NCAPH: variants seen among roughly 807,000 people sequenced by gnomAD.
The protein encoded by NCAPH is non-SMC condensin I complex subunit H, also known as condensin complex subunit 2.
NCAPH carries 38 observed loss-of-function variants against 85.5 expected under a neutral mutation model. That is an observed-to-expected ratio of 0.44 (90% CI 0.34 to 0.58). The LOEUF is 0.58. NCAPH is among the 20% of genes least tolerant of loss of function. The probability of loss-of-function intolerance (pLI) is 0.01; values close to 1 mark genes in which losing one functional copy is unlikely to be tolerated. For missense variants in NCAPH, 789 were observed against 916.6 expected, an observed-to-expected ratio of 0.86 and a Z score of 1.80; for synonymous variants, 301 against 335.1, an observed-to-expected ratio of 0.90 and a Z score of 1.11.
intron 6 of NCAPH, among the ~76,000 whole-genome samples, chr2:96,344,664 G>C (rs570182550): frequency 6.6e-6 from 1 of 152,262 alleles, no homozygotes; most frequent in African/African-American, 2.4e-5. Flanking sequence ...GACACATCTA[G>C]TAAGTGAGCT....
At chr2:96,358,526 T>C (rs1347714120) in intron 9 of NCAPH, among the ~76,000 whole-genome samples, 4 of 152,186 alleles carry the variant, frequency 2.6e-5, no homozygotes, top group Non-Finnish European at 5.9e-5. Flanking sequence ...TGGAGTGCAG[T>C]GGCGCGATCT....
chr2:96,342,080 G>A lies in NCAPH; in HGVS notation c.303G>A (p.Lys101=). 1 of 1,612,546 alleles carries A rather than the reference G, an allele frequency of 6.2e-7. No individual in the cohort carries two copies. Among genetic ancestry groups the A allele is most frequent in the Non-Finnish European group, 8.5e-7 (1 of 1,178,628 alleles). The change falls in exon 3 of 18, where the codon AAG becomes AAA. Residue 101 remains lysine, a synonymous_variant. Coordinates refer to ENST00000240423, the MANE Select transcript of NCAPH (RefSeq NM_015341.5). ...RSIDISATIP[K]FTNTQITEHY... ...TTGACATTTCAGCTACTATCCCCAA[G>A]TTTACAAACACGCAGATTACGGAAC...
intron 9 of NCAPH, among the ~76,000 whole-genome samples, chr2:96,354,689 G>A (rs76548225): frequency 6.6e-6 from 1 of 152,100 alleles, no homozygotes; most frequent in Non-Finnish European, 1.5e-5. Context: ...GGCTGGGCTG[G>A]TGTGCTGTGT....
In NCAPH at chr2:96,373,254, G is replaced by C. The variant is rs527699068; in HGVS notation, c.2167-38G>C. ...GGAATTTATGATTCTTTTATTCTCC[G>C]TATACCAAAGTCCATGCATGTTTTG... On this transcript the variant is annotated intron_variant, in intron 17 of 17. Coordinates refer to ENST00000240423, the MANE Select transcript of NCAPH (RefSeq NM_015341.5). 10 of 1,547,400 alleles carry C rather than the reference G, an allele frequency of 6.5e-6. No homozygotes were observed. The Admixed American group carries it at 1.7e-4, about 26-fold the overall frequency.
chr2:96,352,694 C>T (rs1393370857), intron 7 of NCAPH, among the ~76,000 whole-genome samples: 1 of 152,200 alleles, frequency 6.6e-6, no homozygotes, highest in African/African-American at 2.4e-5. Flanking sequence ...CGTACTCTCG[C>T]TGATCTTCAT....
chr2:96,335,934 G>A, intron 1 of NCAPH, 86 bp downstream of exon 1: 2 of 1,352,844 alleles, frequency 1.5e-6, no homozygotes, highest in Non-Finnish European at 9.6e-7. Flanking sequence ...GCTGGCCTGG[G>A]CGGGGAGAGA....
At position 96,335,771 on chromosome 2, in the gene NCAPH, G is replaced by A; in HGVS notation, c.-59G>A. ...GCCGGCGACGTCACGCGGCCGTTAC[G>A]GCGCTCAGGCGTCTCGACGCGCGCG... On this transcript the variant is annotated 5_prime_UTR_variant, in exon 1 of 18. Transcript: ENST00000240423. 6.9e-7 allele frequency: 1 copy of A among 1,451,468 alleles called. No individual in the cohort carries two copies. The highest frequency in any genetic ancestry group is 9.1e-7 in the Non-Finnish European group (1 of 1,102,140). The allele number at this position is 1,451,468 out of a possible 1,614,324, so 89.9% of individuals were successfully genotyped here. A position where few individuals can be genotyped will look rare whatever the true frequency, so the allele number is the denominator to read the frequency against.
intron 6 of NCAPH, among the ~76,000 whole-genome samples, chr2:96,344,693 GTC>G (rs2064339812): frequency 6.6e-6 from 1 of 152,144 alleles, no homozygotes. Context: ...AAGCTAAGTG[GTC>G]TAACTCCAGA....
chr2:96,340,240 A>T (rs1168545958), intron 1 of NCAPH, among the ~76,000 whole-genome samples: 1 of 151,914 alleles, frequency 6.6e-6, no homozygotes, highest in African/African-American at 2.4e-5. Flanking sequence ...TTATTTGGTG[A>T]TCTCATCCAG....
chr2:96,366,876 CA>C (rs928006104), intron 14 of NCAPH, among the ~76,000 whole-genome samples: 170 of 37,542 alleles, frequency 4.5e-3, no homozygotes, highest in African/African-American at 0.01. Flanking sequence ...GACTCCGTCT[CA>C]AAAAAAAAAA....
At chr2:96,361,769 C>CATATATATACATAT (rs1558800184) in intron 12 of NCAPH, among the ~76,000 whole-genome samples, 36 of 114,958 alleles carry the variant, frequency 3.1e-4, no homozygotes, top group Non-Finnish European at 5.6e-4. Context: ...TATATATATA[C>CATATATATACATAT]ATATATATAT....
chr2:96,351,430 A>G (rs1400277655), intron 6 of NCAPH, among the ~76,000 whole-genome samples: 1 of 152,158 alleles, frequency 6.6e-6, no homozygotes, highest in Admixed American at 6.5e-5. Flanking sequence ...GTACTTTGGG[A>G]GGCCAAGGTG....
rs1048389581 is a variant in NCAPH at position 96,354,175 on chromosome 2, C to G, written c.1003-8C>G. ...TGAGAATTACAGAACCCTCTTTTGT[C>G]CCTCCAGTCTGTGTCGGCCCTGGTA... is the stretch of plus-strand genomic sequence containing the variant. On this transcript the variant is annotated splice_polypyrimidine_tract_variant and splice_region_variant and intron_variant, in intron 8 of 17. Coordinates refer to ENST00000240423, the MANE Select transcript of NCAPH (RefSeq NM_015341.5). 4 of 1,610,922 alleles carry G rather than the reference C, an allele frequency of 2.5e-6. No homozygotes were observed. Among genetic ancestry groups the G allele is most frequent in the Non-Finnish European group, 3.4e-6 (4 of 1,178,324 alleles).
At chr2:96,362,196 G>A (rs2064633752) in intron 12 of NCAPH, among the ~76,000 whole-genome samples, 1 of 151,810 alleles carries the variant, frequency 6.6e-6, no homozygotes, top group African/African-American at 2.4e-5. Flanking sequence ...CTCCAGCCTG[G>A]GGGACAAAGT....
intron 14 of NCAPH, 43 bp downstream of exon 14, chr2:96,366,101 CTATT>C (rs760282272): frequency 6.3e-7 from 1 of 1,594,684 alleles, no homozygotes; most frequent in Admixed American, 1.7e-5. Flanking sequence ...TGCCTGAAAT[CTATT>C]TAATTGTCTC....
chr2:96,344,809 A>G (rs759020587), intron 6 of NCAPH, among the ~76,000 whole-genome samples: 3 of 152,252 alleles, frequency 2.0e-5, no homozygotes, highest in Non-Finnish European at 4.4e-5. Context: ...TAAAGCAAAC[A>G]GGTGTTACTA....
chr2:96,351,582 C>T (rs1464576627), intron 6 of NCAPH, among the ~76,000 whole-genome samples: 2 of 151,362 alleles, frequency 1.3e-5, no homozygotes, highest in Non-Finnish European at 1.5e-5. Context: ...GCCCAAGAAT[C>T]GCTTGAGCCT....
chr2:96,365,865 T>C lies in NCAPH; in HGVS notation c.1699-11T>C, dbSNP rs2104492461. 2 of 1,614,196 alleles carry C rather than the reference T, an allele frequency of 1.2e-6. No individual in the cohort carries two copies. Among genetic ancestry groups the C allele is most frequent in the South Asian group, 1.1e-5 (1 of 91,082 alleles). The stretch of plus-strand genomic sequence containing the variant: ...GCGTCCACCAAACTCGAAGAGCTGT[T>C]TCTTGCCCAGGCTGCTGACAGTGAT... On this transcript the variant is annotated splice_polypyrimidine_tract_variant and intron_variant, in intron 13 of 17. Transcript: ENST00000240423.
intron 17 of NCAPH, 98 bp downstream of exon 17, chr2:96,369,598 T>G: frequency 7.9e-7 from 1 of 1,270,678 alleles, no homozygotes; most frequent in South Asian, 1.2e-5. Context: ...AACATAGGAT[T>G]TCTTAAATAC....
Sources: gnomAD v4.1 joint callset for allele counts (sites outside exome capture counted in the v4.1 genomes callset) on GRCh38, gnomAD v4.1.1 for gene constraint, MANE v1.5 for transcripts, NCBI Gene and HGNC (gene_info 2026-07-23, HGNC 2026-07-21) for gene names.